The following ANKMY1 variants were observed in gnomAD, a reference collection of about 807,000 sequenced individuals.
ANKMY1 encodes ankyrin repeat and MYND domain containing 1, also known as ankyrin repeat and MYND domain-containing protein 1.
ANKMY1 carries 98 observed loss-of-function variants against 102.0 expected under a neutral mutation model. The observed-to-expected ratio is 0.96, with a 90% confidence interval of 0.82 to 1.14. The LOEUF is 1.14. Ranked by LOEUF, ANKMY1 falls within the 50% of genes most tolerant of loss-of-function variation. ANKMY1 has a pLI of 0.00. For missense variants in ANKMY1, 1,330 were observed against 1,347.6 expected, an observed-to-expected ratio of 0.99 and a Z score of 0.20; for synonymous variants, 582 against 559.9, an observed-to-expected ratio of 1.04 and a Z score of -0.56.
upstream of ANKMY1, chr2:240,559,908 T>C (rs1383657233): frequency 6.6e-6 from 1 of 152,366 alleles, no homozygotes; most frequent in African/African-American, 2.4e-5. Context: ...TGCTTTTCAG[T>C]GTATCCATTG....
intron 2 of ANKMY1, among the ~76,000 whole-genome samples, chr2:240,556,397 T>C (rs2092349773): frequency 6.6e-6 from 1 of 152,214 alleles, no homozygotes; most frequent in African/African-American, 2.4e-5. Flanking sequence ...CCCTGGACTG[T>C]GGACAGACAT....
intron 11 of ANKMY1, among the ~76,000 whole-genome samples, chr2:240,510,570 C>A (rs985488451): frequency 1.3e-5 from 2 of 152,094 alleles, no homozygotes; most frequent in East Asian, 1.9e-4. Context: ...TGGGACTGTG[C>A]CCCTCAGATG....
At chr2:240,545,106 CCTGT>C (rs201424393) in intron 4 of ANKMY1, among the ~76,000 whole-genome samples, 22,139 of 152,082 alleles carry the variant, frequency 0.15, 2,557 homozygotes, top group East Asian at 0.64. Flanking sequence ...CTTAAATGTC[CCTGT>C]CTGACAGCTT....
chr2:240,503,344 GA>G (rs2078535459), intron 13 of ANKMY1, among the ~76,000 whole-genome samples: 1 of 152,216 alleles, frequency 6.6e-6, no homozygotes, highest in African/African-American at 2.4e-5. Flanking sequence ...CCCTGGAGGG[GA>G]CTTTCTGAAG....
At chr2:240,508,744 G>A (rs1332893391) in intron 12 of ANKMY1, among the ~76,000 whole-genome samples, 1 of 142,916 alleles carries the variant, frequency 7.0e-6, no homozygotes, top group Non-Finnish European at 1.5e-5. Flanking sequence ...GTAAATAACA[G>A]TTAAATGATA....
At chr2:240,494,788 T>G (rs1255166595) in intron 15 of ANKMY1, among the ~76,000 whole-genome samples, 1 of 151,964 alleles carries the variant, frequency 6.6e-6, no homozygotes, top group Admixed American at 6.6e-5. Context: ...CATGATTCCA[T>G]GGTGAGGAAG....
chr2:240,534,747 T>C (rs1289885881), intron 4 of ANKMY1, among the ~76,000 whole-genome samples: 1 of 152,086 alleles, frequency 6.6e-6, no homozygotes, highest in Non-Finnish European at 1.5e-5. Context: ...ACAATCACAG[T>C]GAGAGATTCT....
intron 15 of ANKMY1, among the ~76,000 whole-genome samples, chr2:240,488,226 G>A (rs751407847): frequency 3.0e-4 from 45 of 152,186 alleles, no homozygotes; most frequent in Non-Finnish European, 5.3e-4. Context: ...ACTGAAGAAA[G>A]TGTCCTTTCC....
At chr2:240,522,785 C>T (rs1043838675) in intron 8 of ANKMY1, 1 of 152,180 alleles carries the variant, frequency 6.6e-6, no homozygotes, top group Non-Finnish European at 1.5e-5. Context: ...AACTGCGCTG[C>T]TAACGCCATC....
chr2:240,490,593 T>C (rs2076533398), intron 15 of ANKMY1, among the ~76,000 whole-genome samples: 2 of 152,202 alleles, frequency 1.3e-5, no homozygotes, highest in African/African-American at 4.8e-5. Flanking sequence ...TATATTTGTA[T>C]AGTATACATA....
At chr2:240,495,614 C>A (rs1047967244) in intron 15 of ANKMY1, among the ~76,000 whole-genome samples, 1 of 152,174 alleles carries the variant, frequency 6.6e-6, no homozygotes, top group African/African-American at 2.4e-5. Flanking sequence ...ATGGCTCACA[C>A]TCCTTACCCT....
intron 17 of ANKMY1, 78 bp from the exon 18 acceptor site, chr2:240,479,733 G>C (rs1174179475): frequency 7.8e-7 from 1 of 1,289,710 alleles, no homozygotes; most frequent in South Asian, 1.2e-5. Flanking sequence ...TCCAGAACTC[G>C]GGCTGTGTGG....
At chr2:240,521,359 T>C (rs933192377) in intron 8 of ANKMY1, among the ~76,000 whole-genome samples, 13 of 152,286 alleles carry the variant, frequency 8.5e-5, no homozygotes, top group Middle Eastern at 3.4e-3. Context: ...ACGTGGGTGC[T>C]GGCTCTCCTT....
At chr2:240,558,430 GC>G (rs2092650781), upstream of ANKMY1, 1 of 150,566 alleles carries the variant, frequency 6.6e-6, no homozygotes, top group Admixed American at 6.6e-5. Context: ...GAGGGAGGCC[GC>G]AAGAGTCACC....
intron 9 of ANKMY1, among the ~76,000 whole-genome samples, chr2:240,514,674 A>C (rs2080868738): frequency 6.6e-6 from 1 of 152,244 alleles, no homozygotes; most frequent in Non-Finnish European, 1.5e-5. Flanking sequence ...GAAGGAATCC[A>C]AGAGGAAGCT....
intron 17 of ANKMY1, among the ~76,000 whole-genome samples, chr2:240,480,364 C>G (rs1336950321): frequency 1.3e-5 from 2 of 152,354 alleles, no homozygotes; most frequent in Non-Finnish European, 2.9e-5. Context: ...CTTCGCACAC[C>G]AGCCTCGGCA....
chr2:240,528,961 G>C, intron 5 of ANKMY1, 76 bp downstream of exon 5: 1 of 1,370,866 alleles, frequency 7.3e-7, no homozygotes. Context: ...GCAGCTGGCC[G>C]GGGACCTCAG....
At chr2:240,543,738 C>T (rs1046755630) in intron 4 of ANKMY1, among the ~76,000 whole-genome samples, 1 of 151,990 alleles carries the variant, frequency 6.6e-6, no homozygotes, top group East Asian at 1.9e-4. Flanking sequence ...TATTTATATA[C>T]ATTATATAAG....
chr2:240,551,990 C>T (rs1484961683), intron 4 of ANKMY1, among the ~76,000 whole-genome samples: 1 of 152,222 alleles, frequency 6.6e-6, no homozygotes, highest in Admixed American at 6.5e-5. Flanking sequence ...ACTCACCAGA[C>T]CATGGCATTC....
Sources: allele counts gnomAD v4.1 joint callset (sites outside exome capture counted in the v4.1 genomes callset), GRCh38; gene constraint gnomAD v4.1.1; transcripts MANE v1.5; gene names NCBI Gene and HGNC (gene_info 2026-07-23, HGNC 2026-07-21).